ATP2A3: variants seen among roughly 807,000 people sequenced by gnomAD.
The protein encoded by ATP2A3 is ATPase sarcoplasmic/endoplasmic reticulum Ca2+ transporting 3.
A neutral mutation model predicts 106.8 loss-of-function variants in ATP2A3; 61 were observed. That is an observed-to-expected ratio of 0.57 (90% CI 0.46 to 0.71). The LOEUF (loss-of-function observed/expected upper bound fraction) is 0.71, where lower values mean the gene tolerates loss of function less well. ATP2A3 is among the 30% of genes least tolerant of loss of function. The pLI, the probability that ATP2A3 is intolerant of heterozygous loss-of-function variation, is 0.00. For missense variants in ATP2A3, 1,201 were observed against 1,423.5 expected, an observed-to-expected ratio of 0.84 and a Z score of 2.52; for synonymous variants, 611 against 609.3, an observed-to-expected ratio of 1.00 and a Z score of -0.04.
Position 3,941,457 on chromosome 17 carries a change from G to A in ATP2A3, c.1743C>T (p.Cys581=). Residue 581 remains cysteine (C), a synonymous_variant, in exon 13 of 21, where the codon TGC becomes TGT. Transcript: ENST00000397041. ...PRKEDMELDD[C]SKFVQYETDL... Reference sequence around the variant, plus strand: ...CCACCTCGTACTGCACAAACTTGCTGCAGTCGTCCAGCTCCATGTCCTCCT... The same window carrying A: ...CCACCTCGTACTGCACAAACTTGCTACAGTCGTCCAGCTCCATGTCCTCCT... 1 of 1,614,128 alleles carries A rather than the reference G, an allele frequency of 6.2e-7. No homozygotes were observed. Among genetic ancestry groups the A allele is most frequent in the Middle Eastern group, 1.6e-4 (1 of 6,062 alleles).
rs1008892160 is a variant in ATP2A3 at position 3,954,622 on chromosome 17, G to C, written c.119-912C>G. On this transcript the variant is annotated intron_variant, in intron 1 of 20. Transcript: ENST00000397041. ...AGCGATTCTCCTGCCTTAGCCTCCT[G>C]AGTAGCTGGGATTACAGGCACGCGG... 1.0e-3 allele frequency among the ~76,000 whole-genome samples: 156 copies of C among 151,686 alleles called. 1 individual carries two copies. Among genetic ancestry groups the C allele is most frequent in the African/African-American group, 3.7e-3 (152 of 41,334 alleles).
intron 8 of ATP2A3, among the ~76,000 whole-genome samples, chr17:3,946,205 C>A (rs1453870583): frequency 6.7e-6 from 1 of 148,264 alleles, no homozygotes; most frequent in Non-Finnish European, 1.5e-5. Context: ...GATCGTGCCA[C>A]TGCACTCCAG....
chr17:3,952,046 G>A (rs942415659), intron 3 of ATP2A3, among the ~76,000 whole-genome samples: 10 of 152,150 alleles, frequency 6.6e-5, no homozygotes, highest in African/African-American at 1.2e-4. Context: ...CTCCTGAGTC[G>A]TAAATTCTGG....
chr17:3,942,048 C>A (rs922028102), intron 12 of ATP2A3, among the ~76,000 whole-genome samples: 3 of 152,166 alleles, frequency 2.0e-5, no homozygotes, highest in African/African-American at 7.2e-5. Context: ...GCAGGCTGAG[C>A]CCTGCCTGGG....
chr17:3,953,255 G>A lies in ATP2A3; in HGVS notation c.219+92C>T. ...CGCAGGCCCAGGGTGTGGAGGACAG[G>A]CCCAGGCTCCAGGACCTCGGAGCAC... On this transcript the variant is annotated intron_variant, in intron 3 of 20. Coordinates refer to ENST00000397041, the MANE Select transcript of ATP2A3 (RefSeq NM_005173.4). The surrounding 1 kb of genome is among the most constrained non-coding windows in gnomAD (Gnocchi z 5.1). 1 of 1,412,548 alleles carries A rather than the reference G, an allele frequency of 7.1e-7. No homozygotes were observed. The highest frequency in any genetic ancestry group is 1.4e-5 in the African/African-American group (1 of 70,792). The allele number at this position is 1,412,548 out of a possible 1,614,324, so 87.5% of individuals were successfully genotyped here.
In ATP2A3 at chr17:3,944,759, A is replaced by C. The variant is rs905060726; in HGVS notation, c.1232T>G (p.Val411Gly). 3 of 1,612,732 alleles carry C rather than the reference A, an allele frequency of 1.9e-6. No homozygotes were observed. Among genetic ancestry groups the C allele is most frequent in the Non-Finnish European group, 1.7e-6 (2 of 1,179,580 alleles). The change falls in exon 10 of 21, where the codon GTG (valine) becomes GGG (glycine). Residue 411 changes from valine (V) to glycine (G), a missense_variant. By Grantham distance (109) the Val-to-Gly change is moderately radical. Transcript: ENST00000397041. Reference protein sequence around the residue: ...PVRCGQFDGLVELATICALCN... With the variant: ...PVRCGQFDGLGELATICALCN... ...CAGGGCGCAGATGGTCGCCAGCTCC[A>C]CCAGCCCGTCGAACTGGCCGCAGCG...
In ATP2A3 at chr17:3,953,794, G is replaced by A. The variant is rs2054596027; in HGVS notation, c.119-84C>T. The A allele has an allele frequency of 2.7e-6, 4 of 1,461,804 alleles. No homozygotes were observed. The highest frequency in any genetic ancestry group is 3.8e-6 in the Non-Finnish European group (4 of 1,066,298). 90.6% of individuals were successfully genotyped at this position (1,461,804 alleles called of 1,614,324 possible). A position where few individuals can be genotyped will look rare whatever the true frequency, so the allele number is the denominator to read the frequency against. ...AGGGGCCTCGGGGGAGTCTGGCAGTGCCTCCCCACCGTGCCCGCCCAGACC... is the reference window on the plus strand; with the variant it reads ...AGGGGCCTCGGGGGAGTCTGGCAGTACCTCCCCACCGTGCCCGCCCAGACC... On this transcript the variant is annotated intron_variant, in intron 1 of 20. Transcript: ENST00000397041. The surrounding 1 kb of genome is among the most constrained non-coding windows in gnomAD (Gnocchi z 5.1).
At position 3,925,234 on chromosome 17, in the gene ATP2A3, AG is replaced by A; in HGVS notation, c.*187del. 1.2e-6 allele frequency: 1 copy of A among 854,520 alleles called. No homozygotes were observed. Among genetic ancestry groups the A allele is most frequent in the Non-Finnish European group, 1.8e-6 (1 of 541,364 alleles). 52.9% of individuals were successfully genotyped at this position (854,520 alleles called of 1,614,324 possible). The stretch of plus-strand genomic sequence containing the variant: ...GGAATTACAGACCTCCCAGGCCAGA[AG>A]GAAGTGGGGACAGAGACCCCAGGAC... On this transcript the variant is annotated 3_prime_UTR_variant, in exon 21 of 21. Coordinates refer to ENST00000397041, the MANE Select transcript of ATP2A3 (RefSeq NM_005173.4). The surrounding 1 kb of genome is among the most constrained non-coding windows in gnomAD (Gnocchi z 4.2).
At position 3,936,636 on chromosome 17, in the gene ATP2A3, G is replaced by T; in HGVS notation, c.2322-167C>A. On this transcript the variant is annotated intron_variant, in intron 15 of 20. Coordinates refer to ENST00000397041, the MANE Select transcript of ATP2A3 (RefSeq NM_005173.4). This position sits in a 1 kb window ranked among gnomAD's most constrained non-coding sequence, Gnocchi z 5.4. ...GTGAAGGGTGTGTGTACACAGCTCT[G>T]CCTCGGGCCTGGCCAGTCCTGCCTT... 1 of 740,572 alleles carries T rather than the reference G, an allele frequency of 1.4e-6. No homozygotes were observed. The highest frequency in any genetic ancestry group is 2.3e-6 in the Non-Finnish European group (1 of 431,566). 45.9% of individuals were successfully genotyped at this position (740,572 alleles called of 1,614,324 possible). A position where few individuals can be genotyped will look rare whatever the true frequency, so the allele number is the denominator to read the frequency against.
intron 1 of ATP2A3, among the ~76,000 whole-genome samples, chr17:3,961,618 A>T (rs2144790277): frequency 6.6e-6 from 1 of 152,324 alleles, no homozygotes; most frequent in East Asian, 1.9e-4. Context: ...GGTTTCCAAC[A>T]ATAACGACCT....
chr17:3,926,885 T>A lies in ATP2A3; in HGVS notation c.2981-1444A>T. 3 of 985,354 alleles carry A rather than the reference T, an allele frequency of 3.0e-6. No homozygotes were observed. Among genetic ancestry groups the A allele is most frequent in the South Asian group, 4.7e-5 (1 of 21,286 alleles). 61.0% of individuals were successfully genotyped at this position (985,354 alleles called of 1,614,324 possible). On this transcript the variant is annotated intron_variant, in intron 20 of 20. Coordinates refer to ENST00000397041, the MANE Select transcript of ATP2A3 (RefSeq NM_005173.4). This position sits in a 1 kb window ranked among gnomAD's most constrained non-coding sequence, Gnocchi z 4.6. ...CACCCGGCCCGTTAGTCTCACCCCCTCTTGCCTGTCCTCCATGGTTGACAC... is the reference window on the plus strand; with the variant it reads ...CACCCGGCCCGTTAGTCTCACCCCCACTTGCCTGTCCTCCATGGTTGACAC...
At chr17:3,927,981 C>T (rs760900613) in intron 20 of ATP2A3, 15 of 1,614,002 alleles carry the variant, frequency 9.3e-6, no homozygotes, top group Admixed American at 5.0e-5. Flanking sequence ...CGGAGCTCAC[C>T]CCTGCTTCCT....
At position 3,925,125 on chromosome 17, in the gene ATP2A3, G is replaced by A. The variant is rs1201760053; in HGVS notation, c.*297C>T. On this transcript the variant is annotated 3_prime_UTR_variant, in exon 21 of 21. Transcript: ENST00000397041. The surrounding 1 kb of genome is among the most constrained non-coding windows in gnomAD (Gnocchi z 4.2). ...GATCTCTGGGTATGCTGCCAGCTCCGGCTTCTTGGCTGCCCCCTCCCAGCC... is the reference window on the plus strand; with the variant it reads ...GATCTCTGGGTATGCTGCCAGCTCCAGCTTCTTGGCTGCCCCCTCCCAGCC... The A allele has an allele frequency of 4.9e-5, 28 of 573,538 alleles. No individual in the cohort carries two copies. Among genetic ancestry groups the A allele is most frequent in the South Asian group, 8.2e-5 (4 of 48,684 alleles). 35.5% of individuals were successfully genotyped at this position (573,538 alleles called of 1,614,324 possible). A position where few individuals can be genotyped will look rare whatever the true frequency, so the allele number is the denominator to read the frequency against.
chr17:3,940,037 TTTTTTG>T (rs1375485620), intron 14 of ATP2A3, among the ~76,000 whole-genome samples: 1 of 93,868 alleles, frequency 1.1e-5, no homozygotes, highest in Non-Finnish European at 2.1e-5. Context: ...ATATCTTTTT[TTTTTTG>T]TTTTTTGTTT....
chr17:3,947,303 T>G lies in ATP2A3; in HGVS notation c.1095+88A>C. On this transcript the variant is annotated intron_variant, in intron 8 of 20. Coordinates refer to ENST00000397041, the MANE Select transcript of ATP2A3 (RefSeq NM_005173.4). This position sits in a 1 kb window ranked among gnomAD's most constrained non-coding sequence, Gnocchi z 7.7. The stretch of plus-strand genomic sequence containing the variant: ...GCCCACAGATTCTCTCCTCCATCCC[T>G]CACTGAAAAGGAGGTGGGGGAGAGA... 6.8e-7 allele frequency: 1 copy of G among 1,472,496 alleles called. No individual in the cohort carries two copies. The highest frequency in any genetic ancestry group is 1.1e-5 in the South Asian group (1 of 87,170). 91.2% of individuals were successfully genotyped at this position (1,472,496 alleles called of 1,614,324 possible).
intron 4 of ATP2A3, 47 bp from the exon 5 acceptor site, chr17:3,951,436 C>A (rs1238624051): frequency 1.9e-6 from 3 of 1,612,254 alleles, no homozygotes; most frequent in Admixed American, 1.7e-5. Context: ...CTGCCCCCCG[C>A]AGACCACCCC....
chr17:3,948,167 A>T (rs1385259459), intron 7 of ATP2A3, among the ~76,000 whole-genome samples: 1 of 152,206 alleles, frequency 6.6e-6, no homozygotes, highest in Non-Finnish European at 1.5e-5. Context: ...CACAAGCATC[A>T]ACCCCACAAA....
chr17:3,943,579 C>T, intron 10 of ATP2A3, 57 bp from the exon 11 acceptor site: 1 of 1,609,522 alleles, frequency 6.2e-7, no homozygotes, highest in Non-Finnish European at 8.5e-7. Flanking sequence ...GCCCGCATCC[C>T]CAGCCTCACT....
Position 3,925,002 on chromosome 17 carries a change from T to C in ATP2A3, c.*420A>G. 2 of 393,142 alleles carry C rather than the reference T, an allele frequency of 5.1e-6. No homozygotes were observed. The highest frequency in any genetic ancestry group is 9.8e-6 in the Non-Finnish European group (2 of 203,280). 24.4% of individuals were successfully genotyped at this position (393,142 alleles called of 1,614,324 possible). ...TAAGAAGGACCCCCAGAGTCCTCCG[T>C]CAGTGCAGAGGCACCAGTCACCAAG... is the stretch of plus-strand genomic sequence containing the variant. On this transcript the variant is annotated 3_prime_UTR_variant, in exon 21 of 21. Coordinates refer to ENST00000397041, the MANE Select transcript of ATP2A3 (RefSeq NM_005173.4). This position sits in a 1 kb window ranked among gnomAD's most constrained non-coding sequence, Gnocchi z 4.2.
Sources: allele counts gnomAD v4.1 joint callset (sites outside exome capture counted in the v4.1 genomes callset), GRCh38; gene constraint gnomAD v4.1.1; non-coding constraint Gnocchi (gnomAD v3.1); transcripts MANE v1.5; gene names NCBI Gene and HGNC (gene_info 2026-07-23, HGNC 2026-07-21).